CSMD1: variants seen among roughly 807,000 people sequenced by gnomAD.
CSMD1 encodes the protein CUB and sushi domain-containing protein 1.
A neutral mutation model predicts 417.5 loss-of-function variants in CSMD1; 213 were observed. That is an observed-to-expected ratio of 0.51 (90% CI 0.46 to 0.57). The LOEUF (loss-of-function observed/expected upper bound fraction) is 0.57, where lower values mean the gene tolerates loss of function less well. CSMD1 is among the 20% of genes least tolerant of loss of function. CSMD1 has a pLI of 0.00. For missense variants in CSMD1, 6,923 were observed against 4,529.7 expected (o/e 1.53, Z -15.17); for synonymous variants, 2,862 against 1,736.8 (o/e 1.65, Z -16.11).
intron 2 of CSMD1, among the ~76,000 whole-genome samples, chr8:4,427,795 A>G (rs1339270299): frequency 5.9e-5 from 9 of 152,212 alleles, no homozygotes; most frequent in Non-Finnish European, 1.2e-4. Context: ...ATCACAATGT[A>G]TAACCCATAC....
At chr8:3,570,127 A>C (rs1229237822) in intron 10 of CSMD1, among the ~76,000 whole-genome samples, 1 of 152,236 alleles carries the variant, frequency 6.6e-6, no homozygotes, top group African/African-American at 2.4e-5. Flanking sequence ...GGACAAGTTT[A>C]AAAGTCCACT....
intron 5 of CSMD1, among the ~76,000 whole-genome samples, chr8:3,925,745 C>G (rs1563217662): frequency 6.6e-6 from 1 of 152,032 alleles, no homozygotes; most frequent in Non-Finnish European, 1.5e-5. Flanking sequence ...GCCTCCCCAG[C>G]CATGTGGAAC....
intron 12 of CSMD1, among the ~76,000 whole-genome samples, chr8:3,442,522 T>A (rs944709921): frequency 1.3e-5 from 2 of 152,224 alleles, no homozygotes; most frequent in African/African-American, 4.8e-5. Flanking sequence ...CTTGTTACAA[T>A]TGCCTGTAGT....
At chr8:3,765,758 C>T (rs1798232476) in intron 5 of CSMD1, among the ~76,000 whole-genome samples, 1 of 152,182 alleles carries the variant, frequency 6.6e-6, no homozygotes, top group Admixed American at 6.5e-5. Context: ...ATCTGGCATC[C>T]TCCTTTTGTT....
intron 49 of CSMD1, among the ~76,000 whole-genome samples, chr8:3,064,203 G>A (rs778149447): frequency 6.6e-6 from 1 of 152,196 alleles, no homozygotes; most frequent in Non-Finnish European, 1.5e-5. Flanking sequence ...TTGATCTGAA[G>A]TTTGGCTACA....
intron 12 of CSMD1, among the ~76,000 whole-genome samples, chr8:3,410,912 G>T (rs551495090): frequency 6.6e-6 from 1 of 152,094 alleles, no homozygotes; most frequent in African/African-American, 2.4e-5. Flanking sequence ...AGATAGAGGG[G>T]TATAGAGAGA....
intron 1 of CSMD1, among the ~76,000 whole-genome samples, chr8:4,764,576 C>A (rs1422723409): frequency 1.3e-5 from 2 of 151,780 alleles, no homozygotes; most frequent in Non-Finnish European, 2.9e-5. Context: ...CTAAAAATAT[C>A]AATTTAAACT....
chr8:3,290,270 A>T (rs1375474741), intron 25 of CSMD1, among the ~76,000 whole-genome samples: 1 of 147,120 alleles, frequency 6.8e-6, no homozygotes, highest in African/African-American at 2.7e-5. Context: ...TGATGCCTCC[A>T]GCTTTGTTCT....
intron 3 of CSMD1, among the ~76,000 whole-genome samples, chr8:4,408,870 A>C (rs909348160): frequency 6.6e-6 from 1 of 152,312 alleles, no homozygotes; most frequent in Non-Finnish European, 1.5e-5. Context: ...TTACGTTTAG[A>C]AACACAGATC....
Position 4,484,299 on chromosome 8 carries a change from C to A in CSMD1, c.303-64234G>T, listed in dbSNP as rs549535374. On this transcript the variant is annotated intron_variant, in intron 2 of 69. Transcript: ENST00000635120. ...GTTTCATTTTGTTTTGTCCCTCTGT[C>A]CTGATCATTTCTAAGTTATCTGGAT... Among the ~76,000 whole-genome samples, 375 of 151,814 alleles carry A rather than the reference C, an allele frequency of 2.5e-3. 2 individuals are homozygous for A. Among genetic ancestry groups the A allele is most frequent in the African/African-American group, 8.6e-3 (355 of 41,360 alleles).
chr8:4,165,758 G>A (rs1797421796), intron 3 of CSMD1, among the ~76,000 whole-genome samples: 1 of 152,082 alleles, frequency 6.6e-6, no homozygotes, highest in Admixed American at 6.5e-5. Flanking sequence ...TTTCTTCCTG[G>A]TCATGCCATG....
At chr8:3,238,554 A>G (rs905715135) in intron 26 of CSMD1, among the ~76,000 whole-genome samples, 1 of 152,122 alleles carries the variant, frequency 6.6e-6, no homozygotes, top group African/African-American at 2.4e-5. Context: ...ATGGGAACTT[A>G]GAGTGGGAGA....
At chr8:3,599,495 G>A (rs896941038) in intron 8 of CSMD1, among the ~76,000 whole-genome samples, 7 of 151,662 alleles carry the variant, frequency 4.6e-5, no homozygotes, top group African/African-American at 7.3e-5. Flanking sequence ...CCAACGCAGA[G>A]TTAGTAACCC....
intron 26 of CSMD1, among the ~76,000 whole-genome samples, chr8:3,258,280 C>G (rs890959386): frequency 1.3e-5 from 2 of 152,072 alleles, no homozygotes; most frequent in Non-Finnish European, 2.9e-5. Flanking sequence ...AAAACATGGA[C>G]AAAGGACATG....
At chr8:4,925,632 T>C (rs6558940) in intron 1 of CSMD1, among the ~76,000 whole-genome samples, 103,229 of 150,992 alleles carry the variant, frequency 0.68, 35,903 homozygotes, top group Middle Eastern at 0.8. Context: ...CTGCAAGCTC[T>C]GCCTCCCGGG....
In CSMD1 at chr8:3,779,149, T is replaced by TTGTGTG. The variant is rs56294437; in HGVS notation, c.819-25113_819-25108dup. Among the ~76,000 whole-genome samples the TTGTGTG allele has an allele frequency of 6.0e-3, 878 of 147,526 alleles. 2 individuals carry two copies. Among genetic ancestry groups the TTGTGTG allele is most frequent in the Middle Eastern group, 0.024 (7 of 286 alleles). Reference sequence around the variant, plus strand: ...AAATATTTTCACTATGCGTGCATACTTGTGTGTGTGTGTGTGTGTGTGTGT... The same window carrying TTGTGTG: ...AAATATTTTCACTATGCGTGCATACTTGTGTGTGTGTGTGTGTGTGTGTGTGTGTGT... On this transcript the variant is annotated intron_variant, in intron 5 of 69. Transcript: ENST00000635120.
chr8:4,269,271 G>A lies in CSMD1; in HGVS notation c.415+150682C>T, dbSNP rs1350520781. Reference sequence around the variant, plus strand: ...GAGGTTTCACCATGTTGCCCAGGCTGGTCTTGAACCTCCAACTCTTGATCT... The same window carrying A: ...GAGGTTTCACCATGTTGCCCAGGCTAGTCTTGAACCTCCAACTCTTGATCT... On this transcript the variant is annotated intron_variant, in intron 3 of 69. Transcript: ENST00000635120. 2.6e-5 allele frequency among the ~76,000 whole-genome samples: 4 copies of A among 152,214 alleles called. No homozygotes were observed. The South Asian group carries it at 6.2e-4, about 24-fold the overall frequency.
At chr8:4,376,268 G>A (rs1162262991) in intron 3 of CSMD1, among the ~76,000 whole-genome samples, 6 of 152,088 alleles carry the variant, frequency 3.9e-5, no homozygotes, top group Non-Finnish European at 5.9e-5. Context: ...TTTCTCTGAT[G>A]GTAAGAATGA....
chr8:3,667,843 C>T (rs1217963227), intron 7 of CSMD1, among the ~76,000 whole-genome samples: 1 of 152,140 alleles, frequency 6.6e-6, no homozygotes, highest in Non-Finnish European at 1.5e-5. Context: ...CCTGGAGTGT[C>T]TGTATGTTTA....
Sources: gnomAD v4.1 joint callset for allele counts (sites outside exome capture counted in the v4.1 genomes callset) on GRCh38, gnomAD v4.1.1 for gene constraint, MANE v1.5 for transcripts, NCBI Gene and HGNC (gene_info 2026-07-23, HGNC 2026-07-21) for gene names.